Variants in MYO3B observed in about 807,000 individuals in gnomAD.
MYO3B encodes the protein myosin IIIB.
In MYO3B, 156 loss-of-function variants were observed where a neutral mutation model predicts 174.6. The ratio of observed to expected loss-of-function variants is 0.89; its 90% CI spans 0.78 to 1.02. MYO3B has a LOEUF of 1.02. Ranked by LOEUF, MYO3B falls within the 50% of genes least tolerant of loss-of-function variation. MYO3B has a pLI of 0.00. For synonymous variants in MYO3B, 563 were observed against 569.1 expected (o/e 0.99, Z 0.15); for missense variants, 1,632 against 1,639.4 (o/e 1.00, Z 0.08).
intron 7 of MYO3B, among the ~76,000 whole-genome samples, chr2:170,255,653 A>G (rs2093298561): frequency 6.6e-6 from 1 of 152,190 alleles, no homozygotes; most frequent in Non-Finnish European, 1.5e-5. Context: ...CCAGAACCCC[A>G]TTCAAGCAAC....
chr2:170,241,539 T>C (rs1477187237), intron 7 of MYO3B, among the ~76,000 whole-genome samples: 1 of 152,012 alleles, frequency 6.6e-6, no homozygotes, highest in Non-Finnish European at 1.5e-5. Context: ...GATGACAGAG[T>C]TTTTGCTGTC....
chr2:170,333,717 T>C (rs1203464595), intron 7 of MYO3B, among the ~76,000 whole-genome samples: 1 of 152,172 alleles, frequency 6.6e-6, no homozygotes, highest in African/African-American at 2.4e-5. Context: ...AAAAATCCAA[T>C]CTAATTTTCA....
chr2:170,335,946 A>C (rs2105541080), intron 8 of MYO3B, among the ~76,000 whole-genome samples: 1 of 152,288 alleles, frequency 6.6e-6, no homozygotes, highest in Middle Eastern at 3.4e-3. Context: ...ATCCCAGCCA[A>C]GGCTCAAGGT....
intron 7 of MYO3B, among the ~76,000 whole-genome samples, chr2:170,320,967 A>G (rs952023706): frequency 1.3e-5 from 2 of 152,214 alleles, no homozygotes; most frequent in African/African-American, 4.8e-5. Flanking sequence ...ATGCACCTGT[A>G]GTCCCAACTA....
Position 170,236,106 on chromosome 2 carries a change from A to C in MYO3B, c.719A>C (p.His240Pro), listed in dbSNP as rs1277690530. ...GDGDPPLFDM[H>P]PVKTLFKIPR... ...GGAGACCCTCCCCTCTTTGACATGC[A>C]TCCTGTGAAAACACTCTTTAAGATT... The change falls in exon 7 of 35, where the codon CAT becomes CCT. Residue 240 changes from histidine (H) to proline (P), a missense_variant. Transcript: ENST00000408978. The C allele has an allele frequency of 3.7e-6, 6 of 1,614,162 alleles. No homozygotes were observed. The South Asian group carries it at 6.6e-5, about 18-fold the overall frequency.
chr2:170,510,025 G>A (rs1445590072), intron 28 of MYO3B, among the ~76,000 whole-genome samples: 5 of 152,204 alleles, frequency 3.3e-5, no homozygotes, highest in African/African-American at 1.2e-4. Flanking sequence ...AAATACAGAA[G>A]CAGAGGCAAG....
intron 1 of MYO3B, among the ~76,000 whole-genome samples, chr2:170,180,954 T>C (rs1465393401): frequency 1.3e-5 from 2 of 152,192 alleles, no homozygotes; most frequent in African/African-American, 4.8e-5. Flanking sequence ...TTTTTTCTTT[T>C]TGGTGGTTAC....
intron 8 of MYO3B, among the ~76,000 whole-genome samples, chr2:170,364,857 A>G (rs1215436541): frequency 6.6e-6 from 1 of 152,218 alleles, no homozygotes; most frequent in Non-Finnish European, 1.5e-5. Flanking sequence ...TAAAGTTGGT[A>G]AAGGGACTAA....
At chr2:170,311,571 T>G (rs1224036976) in intron 7 of MYO3B, among the ~76,000 whole-genome samples, 1 of 151,908 alleles carries the variant, frequency 6.6e-6, no homozygotes, top group African/African-American at 2.4e-5. Context: ...TCTTTTTACT[T>G]TCTTGGTGAT....
chr2:170,449,042 G>A (rs1683424959), intron 23 of MYO3B, among the ~76,000 whole-genome samples: 1 of 152,142 alleles, frequency 6.6e-6, no homozygotes, highest in Admixed American at 6.5e-5. Flanking sequence ...ACAGATTTAT[G>A]TATGCCTGCA....
intron 32 of MYO3B, among the ~76,000 whole-genome samples, chr2:170,556,966 CTATT>C (rs1170999693): frequency 2.6e-5 from 4 of 152,250 alleles, no homozygotes; most frequent in African/African-American, 9.6e-5. Context: ...GGTGAGGTAT[CTATT>C]CAGATTTTTT....
rs553213897 is a variant in MYO3B, at chr2:170,220,320, A to G, written c.603+2925A>G. On this transcript the variant is annotated intron_variant, in intron 6 of 34. Transcript: ENST00000408978. ...AGGTGTTTCTGACTTTCCAACTTTA[A>G]CTGGATTGAATAAAATATGTGGAGT... 2.7e-5 allele frequency among the ~76,000 whole-genome samples: 4 copies of G among 150,708 alleles called. No homozygotes were observed. The East Asian group carries it at 8.1e-4, about 30-fold the overall frequency.
At chr2:170,644,910 G>C (rs1236881484) in intron 32 of MYO3B, among the ~76,000 whole-genome samples, 1 of 152,158 alleles carries the variant, frequency 6.6e-6, no homozygotes, top group Non-Finnish European at 1.5e-5. Context: ...AGAAAGATGT[G>C]TTAAAGTTCT....
chr2:170,287,866 T>C (rs909464475), intron 7 of MYO3B, among the ~76,000 whole-genome samples: 1 of 152,102 alleles, frequency 6.6e-6, no homozygotes, highest in African/African-American at 2.4e-5. Context: ...AAGTCTCAGA[T>C]TTAATTATTC....
At chr2:170,311,035 C>T (rs1445569043) in intron 7 of MYO3B, among the ~76,000 whole-genome samples, 1 of 152,116 alleles carries the variant, frequency 6.6e-6, no homozygotes, top group Non-Finnish European at 1.5e-5. Flanking sequence ...TTTTGGTTTA[C>T]GGGGCTGTTT....
At chr2:170,383,879 A>C in intron 12 of MYO3B, 65 bp downstream of exon 12, 1 of 1,301,190 alleles carries the variant, frequency 7.7e-7, no homozygotes, top group Non-Finnish European at 1.1e-6. Flanking sequence ...TTCCTCGTCA[A>C]CTCCTAAGTC....
intron 9 of MYO3B, among the ~76,000 whole-genome samples, chr2:170,377,043 C>T (rs1044769058): frequency 6.6e-6 from 1 of 152,306 alleles, no homozygotes; most frequent in East Asian, 1.9e-4. Flanking sequence ...TGGAAGCCTC[C>T]ACTTCCATAG....
chr2:170,445,278 G>T (rs2094832158), intron 23 of MYO3B, among the ~76,000 whole-genome samples: 1 of 152,074 alleles, frequency 6.6e-6, no homozygotes, highest in African/African-American at 2.4e-5. Flanking sequence ...TTTTCTCCAT[G>T]AGGCATATCA....
chr2:170,211,782 CCTGCAGCAAAG>C (rs2092773126), intron 3 of MYO3B, among the ~76,000 whole-genome samples: 1 of 152,102 alleles, frequency 6.6e-6, no homozygotes, highest in Non-Finnish European at 1.5e-5. Flanking sequence ...AAGATGGAGG[CCTGCAGCAAAG>C]TTTGCTGTTG....
Sources: gnomAD v4.1 joint callset for allele counts (sites outside exome capture counted in the v4.1 genomes callset) on GRCh38, gnomAD v4.1.1 for gene constraint, MANE v1.5 for transcripts, NCBI Gene and HGNC (gene_info 2026-07-23, HGNC 2026-07-21) for gene names.